USH2A: variants seen among roughly 807,000 people sequenced by gnomAD.
USH2A encodes the protein Usher syndrome 2A (autosomal recessive, mild).
In USH2A, 443 loss-of-function variants were observed where a neutral mutation model predicts 538.9. The observed-to-expected ratio is 0.82, with a 90% CI of 0.76 to 0.89. USH2A has a LOEUF of 0.89. USH2A is among the 40% of genes least tolerant of loss of function. The pLI, the probability that USH2A is intolerant of heterozygous loss-of-function variation, is 0.00. For synonymous variants in USH2A, 2,413 were observed against 2,273.5 expected (o/e 1.06, Z -1.75); for missense variants, 6,633 against 6,324.8 (o/e 1.05, Z -1.65).
Position 216,135,645 on chromosome 1 carries a change from T to C in USH2A, c.4628-38432A>G, listed in dbSNP as rs1306079633. On this transcript the variant is annotated intron_variant, in intron 21 of 71. Coordinates refer to ENST00000307340, the MANE Select transcript of USH2A (RefSeq NM_206933.4). ...ACACCAAATGGGAAAATGAGTACTGTCAATGAACGACTCTTTTCCGCTGGG... is the reference window on the plus strand; with the variant it reads ...ACACCAAATGGGAAAATGAGTACTGCCAATGAACGACTCTTTTCCGCTGGG... Among the ~76,000 whole-genome samples the C allele has an allele frequency of 2.4e-4, 37 of 152,128 alleles. 1 individual carries two copies. Among genetic ancestry groups the C allele is most frequent in the Admixed American group, 2.4e-3 (37 of 15,248 alleles).
chr1:216,224,877 T>C (rs1460187200), intron 14 of USH2A, among the ~76,000 whole-genome samples: 1 of 152,216 alleles, frequency 6.6e-6, no homozygotes, highest in Admixed American at 6.5e-5. Context: ...AAGTTACTTA[T>C]AATCTACTGT....
chr1:215,730,954 C>A (rs570111970), intron 60 of USH2A, among the ~76,000 whole-genome samples: 26 of 152,180 alleles, frequency 1.7e-4, no homozygotes, highest in Non-Finnish European at 3.5e-4. Flanking sequence ...TAGCCAAGGA[C>A]TCTTCTCAGT....
intron 30 of USH2A, among the ~76,000 whole-genome samples, chr1:216,050,058 C>A (rs17025937): frequency 6.6e-6 from 1 of 152,196 alleles, no homozygotes; most frequent in South Asian, 2.1e-4. Flanking sequence ...CCTGCCCCTG[C>A]GATTGTCATT....
intron 56 of USH2A, 72 bp downstream of exon 56, chr1:215,766,606 AAGG>A: frequency 7.6e-7 from 1 of 1,309,778 alleles, no homozygotes; most frequent in East Asian, 2.3e-5. Flanking sequence ...ATTTGTTATG[AAGG>A]AGTTTACAGA....
chr1:216,381,089 A>G (rs2038914948), intron 3 of USH2A, among the ~76,000 whole-genome samples: 1 of 152,118 alleles, frequency 6.6e-6, no homozygotes, highest in Non-Finnish European at 1.5e-5. Context: ...CAGAGAGGAG[A>G]AAAGGAGAGA....
intron 29 of USH2A, 82 bp downstream of exon 29, chr1:216,072,807 G>C: frequency 7.5e-7 from 1 of 1,325,610 alleles, no homozygotes; most frequent in South Asian, 1.2e-5. Flanking sequence ...CTGCTTCAGG[G>C]TAATAGTCCT....
chr1:215,671,076 T>A lies in USH2A; in HGVS notation c.14029A>T (p.Ile4677Leu). The A allele has an allele frequency of 6.2e-7, 1 of 1,614,188 alleles. No individual in the cohort carries two copies. Among genetic ancestry groups the A allele is most frequent in the Non-Finnish European group, 8.5e-7 (1 of 1,180,014 alleles). Residue 4677 changes from isoleucine (I) to leucine (L), a missense_variant, in exon 64 of 72, where the codon ATA becomes TTA. By Grantham distance (5) the Ile-to-Leu change is conservative. Coordinates refer to ENST00000307340, the MANE Select transcript of USH2A (RefSeq NM_206933.4). ...TTGGATTTTCTAGGCTGAGTTGCTATTTGTCTTCTGTATAATTCGTAATAC... is the reference window on the plus strand; with the variant it reads ...TTGGATTTTCTAGGCTGAGTTGCTAATTGTCTTCTGTATAATTCGTAATAC... ...VLYYELYRRQ[I>L]ATQPRKSNPV... is the part of the protein sequence containing the mutation.
intron 21 of USH2A, among the ~76,000 whole-genome samples, chr1:216,128,364 C>T (rs923446584): frequency 3.3e-5 from 5 of 152,068 alleles, no homozygotes; most frequent in Middle Eastern, 3.4e-3. Context: ...TTTGAATTCA[C>T]GTATTTTGAC....
chr1:215,746,078 A>G (rs1353004071), intron 58 of USH2A, among the ~76,000 whole-genome samples: 2 of 152,096 alleles, frequency 1.3e-5, no homozygotes, highest in Admixed American at 1.3e-4. Context: ...TTCATTCAAC[A>G]TTGTTTCATT....
intron 45 of USH2A, among the ~76,000 whole-genome samples, chr1:215,844,873 CCTT>C (rs918919086): frequency 4.6e-5 from 7 of 152,090 alleles, no homozygotes; most frequent in Admixed American, 2.6e-4. Context: ...AAAATTTGCT[CCTT>C]GAGCAAAAAA....
chr1:215,628,772 T>C (rs1373772351), intron 71 of USH2A, 42 bp downstream of exon 71: 6 of 1,605,120 alleles, frequency 3.7e-6, no homozygotes, highest in East Asian at 2.2e-5. Context: ...ATATTTTTTC[T>C]GGGATATTTA....
intron 37 of USH2A, among the ~76,000 whole-genome samples, chr1:215,946,636 A>G (rs2102436645): frequency 6.6e-6 from 1 of 152,340 alleles, no homozygotes; most frequent in African/African-American, 2.4e-5. Flanking sequence ...CTGTGTTAAC[A>G]TCTTATACAT....
At chr1:216,213,456 C>T (rs1201118622) in intron 15 of USH2A, among the ~76,000 whole-genome samples, 5 of 152,012 alleles carry the variant, frequency 3.3e-5, no homozygotes, top group East Asian at 3.9e-4. Flanking sequence ...TGCATAGATG[C>T]TTGGGTAATT....
At chr1:215,979,806 T>C (rs1041481711) in intron 35 of USH2A, among the ~76,000 whole-genome samples, 1 of 152,156 alleles carries the variant, frequency 6.6e-6, no homozygotes, top group African/African-American at 2.4e-5. Flanking sequence ...TTATCAAACA[T>C]GAACAATGAC....
chr1:216,304,995 G>T (rs1216473197), intron 9 of USH2A, among the ~76,000 whole-genome samples: 1 of 151,988 alleles, frequency 6.6e-6, no homozygotes, highest in Non-Finnish European at 1.5e-5. Context: ...TTCTGCAGTT[G>T]TTGGGTAGAA....
chr1:215,743,404 G>GTATA, intron 58 of USH2A, 69 bp from the exon 59 acceptor site: 2 of 464,706 alleles, frequency 4.3e-6, no homozygotes, highest in South Asian at 2.7e-5. Context: ...GTGTGTGTGT[G>GTATA]TGTGTGTGTG....
At chr1:215,977,416 AGT>A in intron 35 of USH2A, among the ~76,000 whole-genome samples, 1 of 152,292 alleles carries the variant, frequency 6.6e-6, no homozygotes, top group Admixed American at 6.5e-5. Flanking sequence ...TTGATTTATG[AGT>A]AGCTCTGGGG....
chr1:216,067,249 C>T (rs1400639248), intron 30 of USH2A, among the ~76,000 whole-genome samples: 2 of 151,912 alleles, frequency 1.3e-5, no homozygotes, highest in Non-Finnish European at 2.9e-5. Flanking sequence ...CATCACATAT[C>T]GGGGCCTGTC....
intron 21 of USH2A, among the ~76,000 whole-genome samples, chr1:216,154,067 C>A (rs2033892342): frequency 6.6e-6 from 1 of 152,136 alleles, no homozygotes; most frequent in Admixed American, 6.5e-5. Context: ...GGTGCAGTAG[C>A]TTCAAGGCAA....
Sources: allele counts gnomAD v4.1 joint callset (sites outside exome capture counted in the v4.1 genomes callset), GRCh38; gene constraint gnomAD v4.1.1; transcripts MANE v1.5; gene names NCBI Gene and HGNC (gene_info 2026-07-23, HGNC 2026-07-21).